GNB4: variants seen among roughly 807,000 people sequenced by gnomAD.
GNB4 encodes guanine nucleotide-binding protein subunit beta-4.
In GNB4, 28 loss-of-function variants were observed where a neutral mutation model predicts 45.2. The observed-to-expected ratio is 0.62, with a 90% confidence interval of 0.46 to 0.85. The LOEUF (loss-of-function observed/expected upper bound fraction) is 0.85. Among genes scored for constraint, GNB4 ranks in the 40% least tolerant of loss-of-function variants. The pLI, the probability that GNB4 is intolerant of heterozygous loss-of-function variation, is 0.00. For synonymous variants in GNB4, 132 were observed against 143.7 expected (o/e 0.92, Z 0.58); for missense variants, 321 against 425.4 (o/e 0.75, Z 2.16).
chr3:179,485,579 T>C, the GNB4 span, among the ~76,000 whole-genome samples: 1 of 152,212 alleles, frequency 6.6e-6, no homozygotes, highest in South Asian at 2.1e-4. Context: ...GGTAATACTT[T>C]GACCAGTACT....
At chr3:179,408,176 C>T (rs911851029) in intron 8 of GNB4, among the ~76,000 whole-genome samples, 1 of 151,100 alleles carries the variant, frequency 6.6e-6, no homozygotes, top group African/African-American at 2.4e-5. Flanking sequence ...TGCAAAAAAG[C>T]AAGAAAATAT....
intron 6 of GNB4, 149 bp downstream of exon 6, chr3:179,414,736 G>T: frequency 1.9e-6 from 1 of 529,192 alleles, no homozygotes; most frequent in Non-Finnish European, 3.2e-6. Context: ...ACTATAAAAA[G>T]TTAATGTTTC....
At chr3:179,448,165 T>G (rs1313437314) in intron 1 of GNB4, among the ~76,000 whole-genome samples, 3 of 152,224 alleles carry the variant, frequency 2.0e-5, no homozygotes, top group Non-Finnish European at 2.9e-5. Flanking sequence ...AAAGATTTTC[T>G]TTTTGAAGCA....
At chr3:179,433,831 A>G (rs1449170832) in intron 1 of GNB4, among the ~76,000 whole-genome samples, 2 of 152,244 alleles carry the variant, frequency 1.3e-5, no homozygotes, top group Admixed American at 6.5e-5. Flanking sequence ...ACAATCCAAC[A>G]GGAAAATGTG....
At chr3:179,465,195 C>T in the GNB4 span, 2 of 1,320,692 alleles carry the variant, frequency 1.5e-6, no homozygotes, top group Non-Finnish European at 2.2e-6. Flanking sequence ...GATCCTGTAA[C>T]TGCCAAACTG....
chr3:179,447,344 AT>A (rs1405987582), intron 1 of GNB4, among the ~76,000 whole-genome samples: 3 of 41,396 alleles, frequency 7.2e-5, no homozygotes, highest in Admixed American at 4.4e-4. Flanking sequence ...TGATCATGGT[AT>A]TAAAAAAAAA....
the GNB4 span, among the ~76,000 whole-genome samples, chr3:179,468,044 A>ATG: frequency 2.0e-5 from 2 of 99,042 alleles, no homozygotes; most frequent in East Asian, 3.5e-4. Context: ...AAATATATAT[A>ATG]TATATAGAAC....
chr3:179,403,532 C>G (rs1211750319), intron 9 of GNB4, among the ~76,000 whole-genome samples: 2 of 152,102 alleles, frequency 1.3e-5, no homozygotes, highest in Non-Finnish European at 2.9e-5. Flanking sequence ...GTGGCTCACG[C>G]CTGTAATCCC....
chr3:179,410,967 A>G (rs1714633901), intron 8 of GNB4, among the ~76,000 whole-genome samples: 2 of 152,220 alleles, frequency 1.3e-5, no homozygotes, highest in Admixed American at 1.3e-4. Flanking sequence ...AAATAGCCCC[A>G]TATCTAATAC....
chr3:179,418,485 A>G (rs1033534666), intron 4 of GNB4, among the ~76,000 whole-genome samples: 2 of 150,954 alleles, frequency 1.3e-5, no homozygotes, highest in African/African-American at 2.4e-5. Flanking sequence ...AAAAAAAAAA[A>G]AAAGAAAAAA....
the GNB4 span, among the ~76,000 whole-genome samples, chr3:179,473,700 C>T: frequency 2.6e-5 from 4 of 152,108 alleles, no homozygotes; most frequent in Non-Finnish European, 2.9e-5. Context: ...TTTGAAAACA[C>T]GGAAATAACT....
the GNB4 span, among the ~76,000 whole-genome samples, chr3:179,514,483 CAG>C: frequency 1.3e-5 from 2 of 152,150 alleles, no homozygotes; most frequent in African/African-American, 4.8e-5. Context: ...GTGAAGCTGA[CAG>C]AGTGTTAGGG....
chr3:179,489,676 T>C, the GNB4 span, among the ~76,000 whole-genome samples: 3 of 152,094 alleles, frequency 2.0e-5, no homozygotes, highest in South Asian at 2.1e-4. Context: ...TTAAAAGAAA[T>C]ATGCTATTTC....
At chr3:179,461,132 T>A in the GNB4 span, among the ~76,000 whole-genome samples, 1 of 152,184 alleles carries the variant, frequency 6.6e-6, no homozygotes, top group Non-Finnish European at 1.5e-5. Flanking sequence ...CTCCTTGGCC[T>A]GCGTCTTGGG....
the GNB4 span, among the ~76,000 whole-genome samples, chr3:179,483,879 C>A: frequency 1.3e-5 from 2 of 152,068 alleles, no homozygotes; most frequent in African/African-American, 4.8e-5. Flanking sequence ...TAATTAAAGT[C>A]AAAATATTTG....
chr3:179,425,545 G>A (rs1472297005), intron 2 of GNB4, among the ~76,000 whole-genome samples: 17 of 152,038 alleles, frequency 1.1e-4, no homozygotes, highest in Non-Finnish European at 1.5e-5. Flanking sequence ...AGTTCAGCTC[G>A]TTGCAACCTC....
chr3:179,439,017 G>C (rs562396249), intron 1 of GNB4, among the ~76,000 whole-genome samples: 12 of 152,194 alleles, frequency 7.9e-5, no homozygotes, highest in Non-Finnish European at 1.8e-4. Flanking sequence ...GGTTCTCAGA[G>C]TGTGGGGACC....
rs537839458 is a variant in GNB4 at position 179,398,069 on chromosome 3, C to T, written c.*3144G>A. On this transcript the variant is annotated 3_prime_UTR_variant, in exon 10 of 10. Coordinates refer to ENST00000232564, the MANE Select transcript of GNB4 (RefSeq NM_021629.4). ...AAGCAGGTTTTTGGGACGATATGCT[C>T]AACACCACAGGGTGATAACATACTT... The T allele has an allele frequency of 1.3e-5, 2 of 152,236 alleles. No individual in the cohort carries two copies. The highest frequency in any genetic ancestry group is 3.9e-4 in the East Asian group (2 of 5,158). The allele number at this position is 152,236 out of a possible 1,614,324, so 9.4% of individuals were successfully genotyped here. A position where few individuals can be genotyped will look rare whatever the true frequency, so the allele number is the denominator to read the frequency against.
Position 179,401,317 on chromosome 3 carries a change from C to T in GNB4, c.919G>A (p.Val307Ile), listed in dbSNP as rs1351274064. 6.2e-7 allele frequency: 1 copy of T among 1,600,940 alleles called. No individual in the cohort carries two copies. Among genetic ancestry groups the T allele is most frequent in the Non-Finnish European group, 8.5e-7 (1 of 1,173,676 alleles). ...WDTLKGDRAG[V>I]LAGHDNRVSC... ...ACACGGTTGTCATGACCAGCAAGGA[C>T]ACCTGAAAAAAAAATTCAGTAAAAA... The change falls in exon 10 of 10, where the codon GTC becomes ATC. Residue 307 changes from valine to isoleucine, a missense_variant and splice_region_variant. Transcript: ENST00000232564.
Sources: gnomAD v4.1 joint callset for allele counts (sites outside exome capture counted in the v4.1 genomes callset) on GRCh38, gnomAD v4.1.1 for gene constraint, MANE v1.5 for transcripts, NCBI Gene and HGNC (gene_info 2026-07-23, HGNC 2026-07-21) for gene names.